The following SMYD4 variants were observed in gnomAD, a reference collection of about 807,000 sequenced individuals.
SMYD4 encodes SET and MYND domain containing 4.
SMYD4 carries 68 observed loss-of-function variants against 72.8 expected under a neutral mutation model. The ratio of observed to expected loss-of-function variants is 0.93; its 90% confidence interval spans 0.77 to 1.14. The LOEUF (loss-of-function observed/expected upper bound fraction) is 1.14, where lower values mean the gene tolerates loss of function less well. Among genes scored for constraint, SMYD4 ranks in the 50% most tolerant of loss-of-function variants. The pLI, the probability that SMYD4 is intolerant of heterozygous loss-of-function variation, is 0.00. For synonymous variants in SMYD4, 407 were observed against 388.6 expected, an observed-to-expected ratio of 1.05 and a Z score of -0.56; for missense variants, 984 against 1,003.7, an observed-to-expected ratio of 0.98 and a Z score of 0.27.
intron 3 of SMYD4, among the ~76,000 whole-genome samples, chr17:1,806,049 CG>C (rs1555578216): frequency 6.6e-6 from 1 of 151,310 alleles, no homozygotes; most frequent in Non-Finnish European, 1.5e-5. Flanking sequence ...TCAGTGCCCC[CG>C]AGTAGCTGGG....
intron 2 of SMYD4, among the ~76,000 whole-genome samples, chr17:1,823,605 A>C (rs1426438209): frequency 7.2e-5 from 11 of 152,070 alleles, no homozygotes; most frequent in Non-Finnish European, 1.3e-4. Context: ...ACTTCCGGTA[A>C]ATCTCAGTGG....
chr17:1,784,624 G>A (rs1363919827), intron 7 of SMYD4, 163 bp from the exon 8 acceptor site: 13 of 942,604 alleles, frequency 1.4e-5, no homozygotes, highest in East Asian at 1.2e-4. Flanking sequence ...GTTTGATGGC[G>A]GCAATGGCGG....
At chr17:1,810,670 C>T (rs1044987606) in intron 3 of SMYD4, among the ~76,000 whole-genome samples, 24 of 152,226 alleles carry the variant, frequency 1.6e-4, no homozygotes, top group African/African-American at 4.6e-4. Context: ...CCCGCCTTCG[C>T]GCCCAAATGT....
rs1225528296 is a variant in SMYD4, at chr17:1,787,371, G to A, written c.1720+51C>T. 1.5e-5 allele frequency: 23 copies of A among 1,546,796 alleles called. No homozygotes were observed. In the Middle Eastern group the frequency reaches 6.8e-4, roughly 46 times the overall value. On this transcript the variant is annotated intron_variant, in intron 6 of 10. Transcript: ENST00000305513. ...TGGTGGCTTGCTGACTTGCGTCCCC[G>A]TCCTTTTCTGTTGGAGAAGGGCAGG...
intron 10 of SMYD4, chr17:1,782,089 C>G (rs1343234889): frequency 6.6e-6 from 1 of 152,158 alleles, no homozygotes; most frequent in Non-Finnish European, 1.5e-5. Flanking sequence ...TGAAATTGGG[C>G]CCTAAATGGT....
At chr17:1,781,993 C>T (rs1323057854) in intron 10 of SMYD4, 1 of 152,434 alleles carries the variant, frequency 6.6e-6, no homozygotes, top group Admixed American at 6.5e-5. Flanking sequence ...CTCAGCACAG[C>T]CTTAGGTTGA....
chr17:1,792,423 C>T lies in SMYD4; in HGVS notation c.1538-4819G>A, dbSNP rs557649926. 1.8e-4 allele frequency among the ~76,000 whole-genome samples: 27 copies of T among 152,042 alleles called. No homozygotes were observed. In the East Asian group the frequency reaches 2.7e-3, roughly 15 times the overall value. On this transcript the variant is annotated intron_variant, in intron 5 of 10. Transcript: ENST00000305513. The stretch of plus-strand genomic sequence containing the variant: ...CAGCACTTTGGGAGGCCAAGGTGGG[C>T]GGATCACGAGGTCAGGAGATGGAGA...
intron 2 of SMYD4, among the ~76,000 whole-genome samples, chr17:1,816,435 A>C (rs900472919): frequency 2.8e-4 from 42 of 151,576 alleles, no homozygotes; most frequent in South Asian, 6.3e-4. Context: ...CTGGCTAACA[A>C]GGTGAAACCC....
At chr17:1,794,075 A>ATG (rs1909236585) in intron 5 of SMYD4, among the ~76,000 whole-genome samples, 1 of 43,788 alleles carries the variant, frequency 2.3e-5, no homozygotes, top group African/African-American at 9.3e-5. Flanking sequence ...ATGTGTATAT[A>ATG]TATGTGTATA....
At chr17:1,791,806 G>A (rs753735448) in intron 5 of SMYD4, among the ~76,000 whole-genome samples, 2 of 152,132 alleles carry the variant, frequency 1.3e-5, no homozygotes, top group East Asian at 1.9e-4. Context: ...AGGATCGCTT[G>A]AGCCCAGGAG....
intron 2 of SMYD4, among the ~76,000 whole-genome samples, chr17:1,821,334 G>T (rs1910879985): frequency 6.6e-6 from 1 of 151,990 alleles, no homozygotes; most frequent in South Asian, 2.1e-4. Flanking sequence ...GACCAATATG[G>T]AGAAGTCCCG....
intron 1 of SMYD4, among the ~76,000 whole-genome samples, chr17:1,828,854 C>A (rs1567793396): frequency 6.6e-6 from 1 of 152,116 alleles, no homozygotes; most frequent in South Asian, 2.1e-4. Flanking sequence ...GCCTTGGCCT[C>A]CCAAAGCGCT....
intron 1 of SMYD4, 69 bp from the exon 2 acceptor site, chr17:1,828,075 G>T: frequency 4.0e-6 from 6 of 1,492,180 alleles, no homozygotes; most frequent in East Asian, 2.3e-5. Flanking sequence ...GTTCAGCCAG[G>T]TACGGTGGCT....
At chr17:1,825,649 C>T (rs1372930192) in intron 2 of SMYD4, among the ~76,000 whole-genome samples, 3 of 151,634 alleles carry the variant, frequency 2.0e-5, no homozygotes, top group South Asian at 2.1e-4. Flanking sequence ...GTAGCTGGGA[C>T]GACAGGCACA....
At chr17:1,794,079 GTGTATA>G (rs1303997946) in intron 5 of SMYD4, among the ~76,000 whole-genome samples, 3 of 23,054 alleles carry the variant, frequency 1.3e-4, no homozygotes, top group East Asian at 8.3e-4. Flanking sequence ...GTATATATAT[GTGTATA>G]TATATATATA....
Position 1,785,030 on chromosome 17 carries a change from G to T in SMYD4, c.1885-569C>A, listed in dbSNP as rs867857624. ...TCTCGATTTTCTGACCTCATGATCC[G>T]CTCGCCTCAGCCTCCCAAAGTGCTG... On this transcript the variant is annotated intron_variant, in intron 7 of 10. Transcript: ENST00000305513. Among the ~76,000 whole-genome samples the T allele has an allele frequency of 1.0e-4, 15 of 148,970 alleles. No homozygotes were observed. The South Asian group carries it at 3.2e-3, about 32-fold the overall frequency.
At chr17:1,812,900 A>G (rs1289127880) in intron 2 of SMYD4, among the ~76,000 whole-genome samples, 4 of 150,826 alleles carry the variant, frequency 2.7e-5, no homozygotes, top group African/African-American at 9.8e-5. Flanking sequence ...TTATCTCATA[A>G]TTATTGGCCA....
intron 2 of SMYD4, among the ~76,000 whole-genome samples, chr17:1,826,524 G>GAAAAGA (rs1911187516): frequency 8.2e-6 from 1 of 122,632 alleles, no homozygotes; most frequent in South Asian, 2.7e-4. Context: ...AAAAAGAAAA[G>GAAAAGA]AAAAGAAAAG....
Position 1,781,149 on chromosome 17 carries a change from G to A in SMYD4, c.*137C>T. 3.6e-6 allele frequency: 4 copies of A among 1,106,228 alleles called. No homozygotes were observed. Among genetic ancestry groups the A allele is most frequent in the Non-Finnish European group, 5.1e-6 (4 of 789,806 alleles). 68.5% of individuals were successfully genotyped at this position (1,106,228 alleles called of 1,614,324 possible). A position where few individuals can be genotyped will look rare whatever the true frequency, so the allele number is the denominator to read the frequency against. On this transcript the variant is annotated 3_prime_UTR_variant, in exon 11 of 11. Transcript: ENST00000305513. ...TTGGCCAGGCTGGTCTTGAACTCCT[G>A]ACATCAGGTGATCCGCCCACCTTAG... is the stretch of plus-strand genomic sequence containing the variant.
Sources: allele counts gnomAD v4.1 joint callset (sites outside exome capture counted in the v4.1 genomes callset), GRCh38; gene constraint gnomAD v4.1.1; transcripts MANE v1.5; gene names NCBI Gene and HGNC (gene_info 2026-07-23, HGNC 2026-07-21).